TMEM33: variants seen among roughly 807,000 people sequenced by gnomAD.
TMEM33 encodes transmembrane protein 33.
In TMEM33, 16 loss-of-function variants were observed where a neutral mutation model predicts 29.7. That is an observed-to-expected ratio of 0.54 (90% CI 0.36 to 0.82). The LOEUF (loss-of-function observed/expected upper bound fraction) is 0.82. TMEM33 is among the 40% of genes least tolerant of loss of function. TMEM33 has a pLI of 0.00. For missense variants in TMEM33, 252 were observed against 295.3 expected, an observed-to-expected ratio of 0.85 and a Z score of 1.08; for synonymous variants, 112 against 109.4, an observed-to-expected ratio of 1.02 and a Z score of -0.15.
chr4:41,951,396 T>A (rs1353502155), intron 6 of TMEM33, among the ~76,000 whole-genome samples: 5 of 152,168 alleles, frequency 3.3e-5, no homozygotes, highest in Non-Finnish European at 7.4e-5. Context: ...CTCTGACTGG[T>A]CCTTCAGCAC....
intron 6 of TMEM33, 36 bp from the exon 7 acceptor site, chr4:41,954,034 C>T (rs776899366): frequency 6.2e-7 from 1 of 1,607,218 alleles, no homozygotes. Flanking sequence ...TTGCTTTTTC[C>T]TTGTGTTTCT....
In TMEM33 at chr4:41,949,267, T is replaced by G. The variant is rs115391890; in HGVS notation, c.531-35T>G. 1.6e-3 allele frequency: 2,377 copies of G among 1,455,754 alleles called. 35 individuals carry two copies. In the African/African-American group the frequency reaches 0.028, roughly 17 times the overall value. 90.2% of individuals were successfully genotyped at this position (1,455,754 alleles called of 1,614,324 possible). ...TTGAGAGTATACACATGAATTGAAA[T>G]GTATATTTATCACGCTTGTATTTGT... On this transcript the variant is annotated intron_variant, in intron 5 of 6. Transcript: ENST00000504986.
intron 5 of TMEM33, among the ~76,000 whole-genome samples, chr4:41,947,045 G>A (rs917882056): frequency 6.6e-6 from 1 of 152,022 alleles, no homozygotes; most frequent in Non-Finnish European, 1.5e-5. Flanking sequence ...AGACCATCCT[G>A]GCCAATGTGG....
chr4:41,950,424 T>G (rs181510934), intron 6 of TMEM33, among the ~76,000 whole-genome samples: 3 of 152,264 alleles, frequency 2.0e-5, no homozygotes, highest in Admixed American at 2.0e-4. Context: ...ACTAGTTGTG[T>G]GACTAGGCAG....
chr4:41,956,783 A>G lies in TMEM33; in HGVS notation c.*2584A>G, dbSNP rs202113071. 1 of 152,204 alleles carries G rather than the reference A, an allele frequency of 6.6e-6. No homozygotes were observed. The highest frequency in any genetic ancestry group is 1.9e-4 in the East Asian group (1 of 5,208). The allele number at this position is 152,204 out of a possible 1,614,324, so 9.4% of individuals were successfully genotyped here. ...TAAAGGAAGGTTTAATATACAAAAA[A>G]AGGTAATCTTAAACTTACGAAAAAG... On this transcript the variant is annotated 3_prime_UTR_variant, in exon 7 of 7. Coordinates refer to ENST00000504986, the MANE Select transcript of TMEM33 (RefSeq NM_018126.3).
intron 5 of TMEM33, among the ~76,000 whole-genome samples, chr4:41,946,077 GTT>G (rs756912449): frequency 1.7e-5 from 2 of 116,252 alleles, no homozygotes; most frequent in African/African-American, 3.2e-5. Context: ...ATCCAGTTCT[GTT>G]TTTTTTTTTT....
At chr4:41,949,242 T>G (rs1712929516) in intron 5 of TMEM33, 60 bp from the exon 6 acceptor site, 2 of 1,198,532 alleles carry the variant, frequency 1.7e-6, no homozygotes, top group Non-Finnish European at 1.2e-6. Context: ...CTTTTAAGTT[T>G]TGAGAGTATA....
intron 6 of TMEM33, among the ~76,000 whole-genome samples, chr4:41,952,146 GA>G (rs993841988): frequency 3.3e-5 from 5 of 152,270 alleles, no homozygotes; most frequent in Admixed American, 6.5e-5. Context: ...GGGCTTGAGA[GA>G]AAAGAGTAAA....
intron 1 of TMEM33, among the ~76,000 whole-genome samples, chr4:41,935,938 A>C (rs908449480): frequency 6.6e-6 from 1 of 152,186 alleles, no homozygotes; most frequent in Admixed American, 6.5e-5. Flanking sequence ...AGTTTATACA[A>C]TCGTATATAG....
intron 1 of TMEM33, among the ~76,000 whole-genome samples, chr4:41,935,740 C>T (rs1438808030): frequency 2.0e-5 from 3 of 152,176 alleles, no homozygotes; most frequent in African/African-American, 7.2e-5. Context: ...AATAGGCTGA[C>T]CTGGAGCTGG....
rs374450065 is a variant in TMEM33 at position 41,955,590 on chromosome 4, G to A, written c.*1391G>A. On this transcript the variant is annotated 3_prime_UTR_variant, in exon 7 of 7. Transcript: ENST00000504986. The stretch of plus-strand genomic sequence containing the variant: ...TGTTCATCTCCTTATCTATAAAAAG[G>A]GGATATTCTTAGGATAAATACATGA... 4 of 152,596 alleles carry A rather than the reference G, an allele frequency of 2.6e-5. No individual in the cohort carries two copies. The highest frequency in any genetic ancestry group is 9.6e-5 in the African/African-American group (4 of 41,508). The allele number at this position is 152,596 out of a possible 1,614,324, so 9.5% of individuals were successfully genotyped here.
intron 6 of TMEM33, among the ~76,000 whole-genome samples, 174 bp downstream of exon 6, chr4:41,949,559 T>C (rs548118021): frequency 6.6e-6 from 1 of 152,302 alleles, no homozygotes; most frequent in Non-Finnish European, 1.5e-5. Flanking sequence ...AGGAAGTGGT[T>C]GTATTTGTTC....
At chr4:41,938,997 A>G (rs906764570) in intron 2 of TMEM33, among the ~76,000 whole-genome samples, 199 bp from the exon 3 acceptor site, 22 of 152,196 alleles carry the variant, frequency 1.4e-4, no homozygotes, top group African/African-American at 3.6e-4. Context: ...ATAAAATTCA[A>G]TTTTATAAAT....
At chr4:41,950,397 A>G (rs1467902963) in intron 6 of TMEM33, among the ~76,000 whole-genome samples, 2 of 152,140 alleles carry the variant, frequency 1.3e-5, no homozygotes, top group Non-Finnish European at 2.9e-5. Context: ...TTGAATTTGA[A>G]TGCTGGCCCA....
intron 4 of TMEM33, 83 bp from the exon 5 acceptor site, chr4:41,944,710 G>T: frequency 6.6e-7 from 1 of 1,504,746 alleles, no homozygotes; most frequent in South Asian, 1.2e-5. Context: ...TTGCCTGTTG[G>T]ATAGGCTGTT....
intron 6 of TMEM33, among the ~76,000 whole-genome samples, chr4:41,951,254 T>C (rs1713026331): frequency 6.6e-6 from 1 of 152,126 alleles, no homozygotes; most frequent in South Asian, 2.1e-4. Context: ...AACTTAGAAC[T>C]TGGTTCCTTT....
chr4:41,955,114 T>G lies in TMEM33; in HGVS notation c.*915T>G, dbSNP rs541585614. On this transcript the variant is annotated 3_prime_UTR_variant, in exon 7 of 7. Coordinates refer to ENST00000504986, the MANE Select transcript of TMEM33 (RefSeq NM_018126.3). ...CCTTTTGAAAGGAATGTAATGAAGA[T>G]TCAGCATCTGACTATATGTGTGTCT... is the stretch of plus-strand genomic sequence containing the variant. 6.5e-6 allele frequency: 1 copy of G among 152,742 alleles called. No homozygotes were observed. The highest frequency in any genetic ancestry group is 2.1e-4 in the South Asian group (1 of 4,822). The allele number at this position is 152,742 out of a possible 1,614,324, so 9.5% of individuals were successfully genotyped here.
At chr4:41,939,124 C>A (rs778173727) in intron 2 of TMEM33, 72 bp from the exon 3 acceptor site, 166 of 1,417,692 alleles carry the variant, frequency 1.2e-4, no homozygotes, top group Admixed American at 1.6e-4. Flanking sequence ...AATTATGATG[C>A]AATTCACAAA....
intron 6 of TMEM33, among the ~76,000 whole-genome samples, chr4:41,952,102 AC>A (rs1194173073): frequency 6.6e-6 from 1 of 152,178 alleles, no homozygotes; most frequent in African/African-American, 2.4e-5. Context: ...GGAAAAGGGG[AC>A]AAATATGAAA....
Sources: gnomAD v4.1 joint callset for allele counts (sites outside exome capture counted in the v4.1 genomes callset) on GRCh38, gnomAD v4.1.1 for gene constraint, MANE v1.5 for transcripts, NCBI Gene and HGNC (gene_info 2026-07-23, HGNC 2026-07-21) for gene names.